The following CNKSR2 variants were observed in gnomAD, a reference collection of about 807,000 sequenced individuals.
The protein encoded by CNKSR2 is connector enhancer of kinase suppressor of Ras 2.
In CNKSR2, 14 loss-of-function variants were observed where a neutral mutation model predicts 84.4. That is an observed-to-expected ratio of 0.17 (90% CI 0.11 to 0.26). CNKSR2 has a LOEUF of 0.26. CNKSR2 is among the 10% of genes least tolerant of loss of function. The pLI, the probability that CNKSR2 is intolerant of heterozygous loss-of-function variation, is 1.00. For synonymous variants in CNKSR2, 275 were observed against 277.9 expected (o/e 0.99, Z 0.10); for missense variants, 485 against 771.2 (o/e 0.63, Z 4.40).
At position 21,514,080 on chromosome X, in the gene CNKSR2, A is replaced by G. The variant is rs1168440176; in HGVS notation, c.811-2405A>G. ...CTATATTTATGTACATTCTTTAACA[A>G]AAGTGGAATAAAATTATGTTTGCTA... On this transcript the variant is annotated intron_variant, in intron 8 of 21. Coordinates refer to ENST00000379510, the MANE Select transcript of CNKSR2 (RefSeq NM_014927.5). 2.7e-5 allele frequency among the ~76,000 whole-genome samples: 3 copies of G among 112,016 alleles called. No individual in the cohort carries two copies. In the East Asian group the frequency reaches 8.5e-4, roughly 32 times the overall value.
At chrX:21,640,552 T>C in intron 20 of CNKSR2, among the ~76,000 whole-genome samples, 1 of 111,979 alleles carries the variant, frequency 8.9e-6, no homozygotes, top group East Asian at 2.8e-4. Context: ...GTTTGCTAGA[T>C]ATCAGTGTTA....
rs192143966 is a variant in CNKSR2, at chrX:21,501,324, A to G, written c.742-196A>G. Among the ~76,000 whole-genome samples, 6 of 109,921 alleles carry G rather than the reference A, an allele frequency of 5.5e-5. No individual in the cohort carries two copies. The South Asian group carries it at 1.5e-3, about 28-fold the overall frequency. On this transcript the variant is annotated intron_variant, in intron 7 of 21. Transcript: ENST00000379510. ...ATTTTTTATTAATTTTTTTCTTTCT[A>G]TGTTTATTTAACTGGCTCAGCAGGT...
intron 9 of CNKSR2, among the ~76,000 whole-genome samples, chrX:21,522,552 C>T (rs2091795065): frequency 9.0e-6 from 1 of 110,809 alleles, no homozygotes; most frequent in Non-Finnish European, 1.9e-5. Context: ...GGGAAAACCT[C>T]AACATCAAAT....
chrX:21,377,428 A>C (rs1052181007), intron 1 of CNKSR2, among the ~76,000 whole-genome samples: 34 of 112,186 alleles, frequency 3.0e-4, no homozygotes, highest in African/African-American at 1.0e-3. Flanking sequence ...GTCAACTGCT[A>C]ATTTAGGCTA....
In CNKSR2 at chrX:21,591,032, A is replaced by C; in HGVS notation, c.1668A>C (p.Ala556=). The change falls in exon 15 of 22, where the codon GCA becomes GCC. Residue 556 remains alanine (A), a synonymous_variant. Coordinates refer to ENST00000379510, the MANE Select transcript of CNKSR2 (RefSeq NM_014927.5). ...ATTTCCACCCTTTAGGTCCTATAGC[A>C]GGCAAGAGCAAAAGACGAATTTCTT... ...KSKKKNKGPI[A]GKSKRRISCK... 1 of 1,208,322 alleles carries C rather than the reference A, an allele frequency of 8.3e-7. No individual in the cohort carries two copies. The highest frequency in any genetic ancestry group is 1.1e-6 in the Non-Finnish European group (1 of 893,567).
At chrX:21,448,465 A>T (rs1275736341) in intron 4 of CNKSR2, among the ~76,000 whole-genome samples, 2 of 111,990 alleles carry the variant, frequency 1.8e-5, no homozygotes, top group African/African-American at 6.5e-5. Flanking sequence ...AGAAGCAATA[A>T]TAATCATTAG....
intron 4 of CNKSR2, among the ~76,000 whole-genome samples, chrX:21,445,774 G>A (rs1370344356): frequency 8.9e-6 from 1 of 111,748 alleles, no homozygotes; most frequent in Non-Finnish European, 1.9e-5. Context: ...GTGAATTATA[G>A]GATTTAATTC....
At chrX:21,592,753 C>T (rs2092428562) in intron 15 of CNKSR2, 1 of 110,863 alleles carries the variant, frequency 9.0e-6, no homozygotes, top group East Asian at 2.8e-4. Flanking sequence ...CCCTCTGCTT[C>T]GCTAAGTGTG....
chrX:21,581,021 A>C (rs2092349913), intron 13 of CNKSR2, among the ~76,000 whole-genome samples: 1 of 111,857 alleles, frequency 8.9e-6, no homozygotes, highest in Non-Finnish European at 1.9e-5. Context: ...CAGGCACCCC[A>C]AAATAGCTGT....
intron 1 of CNKSR2, among the ~76,000 whole-genome samples, chrX:21,419,537 C>T (rs2090466443): frequency 9.0e-6 from 1 of 111,140 alleles, no homozygotes; most frequent in Non-Finnish European, 1.9e-5. Flanking sequence ...TTGTACCCAT[C>T]CTTCTTGGGA....
chrX:21,576,222 T>C (rs1346495599), intron 13 of CNKSR2, among the ~76,000 whole-genome samples: 1 of 112,289 alleles, frequency 8.9e-6, no homozygotes, highest in African/African-American at 3.2e-5. Context: ...ATACAAAATA[T>C]GTTCTCTGAT....
intron 20 of CNKSR2, among the ~76,000 whole-genome samples, chrX:21,616,533 TACC>T (rs2092577460): frequency 8.9e-6 from 1 of 112,035 alleles, no homozygotes; most frequent in African/African-American, 3.2e-5. Flanking sequence ...GTGTTCAGCA[TACC>T]CTCTTTATGC....
intron 13 of CNKSR2, among the ~76,000 whole-genome samples, chrX:21,572,195 A>C (rs959480187): frequency 7.1e-5 from 8 of 112,329 alleles, no homozygotes; most frequent in Non-Finnish European, 1.5e-4. Flanking sequence ...TCCCTACAGC[A>C]GTGATTCCCA....
intron 1 of CNKSR2, among the ~76,000 whole-genome samples, chrX:21,399,579 A>G (rs1601737068): frequency 8.9e-6 from 1 of 111,896 alleles, no homozygotes; most frequent in African/African-American, 3.2e-5. Flanking sequence ...AATTTTCTCT[A>G]AACGTTTAAT....
Position 21,470,785 on chromosome X carries a change from C to A in CNKSR2, c.539C>A (p.Thr180Lys). 1 of 1,014,394 alleles carries A rather than the reference C, an allele frequency of 9.9e-7. No individual in the cohort carries two copies. Among genetic ancestry groups the A allele is most frequent in the Admixed American group, 2.6e-5 (1 of 38,474 alleles). 83.6% of individuals were successfully genotyped at this position (1,014,394 alleles called of 1,213,427 possible). Reference sequence around the variant, plus strand: ...TTTCAGGATTGTACTGTATATGAAACAGAGAATAAAATTCTTCACGTGGTG... The same window carrying A: ...TTTCAGGATTGTACTGTATATGAAAAAGAGAATAAAATTCTTCACGTGGTG... The part of the protein sequence containing the change: ...IVQQDCTVYE[T>K]ENKILHVCKT... Residue 180 changes from threonine (T) to lysine (K), a missense_variant, in exon 5 of 22, where the codon ACA becomes AAA. Thr to Lys is a moderately conservative substitution (Grantham distance 78, BLOSUM62 -1). This residue lies in a region of CNKSR2 where 109 missense variants were observed against 197.5 expected (regional missense o/e 0.55). Transcript: ENST00000379510.
chrX:21,520,840 C>T (rs2091776231), intron 9 of CNKSR2, among the ~76,000 whole-genome samples: 1 of 109,977 alleles, frequency 9.1e-6, no homozygotes. Context: ...ATTGTATTCT[C>T]ATTTATAAAT....
At chrX:21,550,417 A>G (rs1294340688) in intron 11 of CNKSR2, among the ~76,000 whole-genome samples, 1 of 112,254 alleles carries the variant, frequency 8.9e-6, no homozygotes, top group African/African-American at 3.2e-5. Context: ...TCAGGAAACA[A>G]CAGATGCTGG....
At chrX:21,627,128 C>T (rs2083542773) in intron 20 of CNKSR2, among the ~76,000 whole-genome samples, 1 of 111,608 alleles carries the variant, frequency 9.0e-6, no homozygotes, top group Admixed American at 9.5e-5. Context: ...TTTACGTTTG[C>T]ATCTTGAAGA....
At chrX:21,531,470 A>C (rs1428702609) in intron 10 of CNKSR2, among the ~76,000 whole-genome samples, 1 of 111,300 alleles carries the variant, frequency 9.0e-6, no homozygotes, top group Non-Finnish European at 1.9e-5. Flanking sequence ...TTATGTGCAA[A>C]GGTAAACTGG....
Sources: gnomAD v4.1 joint callset for allele counts (sites outside exome capture counted in the v4.1 genomes callset) on GRCh38, gnomAD v4.1.1 for gene constraint, gnomAD v4.1.1 regional missense constraint, MANE v1.5 for transcripts, NCBI Gene and HGNC (gene_info 2026-07-23, HGNC 2026-07-21) for gene names.